LRP1B: variants seen among roughly 807,000 people sequenced by gnomAD.
LRP1B encodes the protein LDL receptor related protein 1B, also known as low-density lipoprotein receptor-related protein 1B.
A neutral mutation model predicts 556.6 loss-of-function variants in LRP1B; 217 were observed. That is an observed-to-expected ratio of 0.39 (90% CI 0.35 to 0.44). The LOEUF (loss-of-function observed/expected upper bound fraction) is 0.44, where lower values mean the gene tolerates loss of function less well. Among genes scored for constraint, LRP1B ranks in the 20% least tolerant of loss-of-function variants. LRP1B has a pLI of 1.00. For synonymous variants in LRP1B, 2,047 were observed against 1,865.8 expected, an observed-to-expected ratio of 1.10 and a Z score of -2.50; for missense variants, 5,053 against 5,620.8, an observed-to-expected ratio of 0.90 and a Z score of 3.23.
intron 2 of LRP1B, among the ~76,000 whole-genome samples, chr2:141,737,227 C>T (rs1329593203): frequency 6.6e-6 from 1 of 152,178 alleles, no homozygotes; most frequent in African/African-American, 2.4e-5. Context: ...TGGCACATGC[C>T]TGTAATCCCA....
intron 3 of LRP1B, among the ~76,000 whole-genome samples, chr2:141,367,564 G>C (rs1331925253): frequency 7.9e-6 from 1 of 126,636 alleles, no homozygotes; most frequent in Non-Finnish European, 1.6e-5. Flanking sequence ...CTCATTGCAA[G>C]CTCCGCCTCC....
chr2:140,858,792 T>A (rs199754038), intron 27 of LRP1B, among the ~76,000 whole-genome samples: 1 of 151,976 alleles, frequency 6.6e-6, no homozygotes, highest in East Asian at 1.9e-4. Context: ...TGTCCATGTG[T>A]TCTCAATGTT....
intron 23 of LRP1B, among the ~76,000 whole-genome samples, chr2:140,893,915 C>G (rs1559179361): frequency 6.6e-6 from 1 of 152,108 alleles, no homozygotes; most frequent in Admixed American, 6.5e-5. Context: ...TCGAAACCCA[C>G]AGTGGATGAT....
At chr2:141,050,164 G>A (rs184161399) in intron 10 of LRP1B, among the ~76,000 whole-genome samples, 26 of 151,570 alleles carry the variant, frequency 1.7e-4, no homozygotes, top group Non-Finnish European at 3.5e-4. Context: ...GATATTCATA[G>A]TAAAGTAAAA....
intron 66 of LRP1B, among the ~76,000 whole-genome samples, chr2:140,422,634 G>T (rs1685492878): frequency 1.3e-5 from 2 of 152,104 alleles, no homozygotes; most frequent in African/African-American, 4.8e-5. Flanking sequence ...TTTATACAAA[G>T]GATAACGTTA....
chr2:140,972,980 A>G (rs1696478526), intron 18 of LRP1B, among the ~76,000 whole-genome samples: 1 of 147,094 alleles, frequency 6.8e-6, no homozygotes, highest in South Asian at 2.1e-4. Context: ...CATATATGTA[A>G]ATACATATAT....
In LRP1B at chr2:141,989,802, T is replaced by C. The variant is rs73963408; in HGVS notation, c.82+140846A>G. Among the ~76,000 whole-genome samples, 576 of 152,206 alleles carry C rather than the reference T, an allele frequency of 3.8e-3. 4 individuals are homozygous for C. The highest frequency in any genetic ancestry group is 0.013 in the African/African-American group (560 of 41,568). Reference sequence around the variant, plus strand: ...AAGTTTCCTGAGGCCTCCCCAGCCATGGGGAAGTGTAAGTCAATTAAAACT... The same window carrying C: ...AAGTTTCCTGAGGCCTCCCCAGCCACGGGGAAGTGTAAGTCAATTAAAACT... On this transcript the variant is annotated intron_variant, in intron 1 of 90. Coordinates refer to ENST00000389484, the MANE Select transcript of LRP1B (RefSeq NM_018557.3).
intron 2 of LRP1B, among the ~76,000 whole-genome samples, chr2:141,713,732 T>A (rs1047801003): frequency 6.6e-6 from 1 of 152,214 alleles, no homozygotes; most frequent in South Asian, 2.1e-4. Context: ...AATTAATATA[T>A]ATTTAAAATG....
intron 1 of LRP1B, among the ~76,000 whole-genome samples, chr2:141,827,214 GA>G (rs1187080582): frequency 6.6e-6 from 1 of 152,224 alleles, no homozygotes; most frequent in Non-Finnish European, 1.5e-5. Flanking sequence ...TTCATAGACA[GA>G]AGTTCTTTTG....
chr2:140,522,528 A>C (rs1170885503), intron 49 of LRP1B, among the ~76,000 whole-genome samples: 1 of 151,844 alleles, frequency 6.6e-6, no homozygotes, highest in Non-Finnish European at 1.5e-5. Context: ...GGAAAGAAAA[A>C]AACTAATCCC....
intron 16 of LRP1B, among the ~76,000 whole-genome samples, chr2:140,993,192 G>C (rs1345735028): frequency 2.0e-5 from 3 of 151,238 alleles, no homozygotes; most frequent in Non-Finnish European, 4.4e-5. Flanking sequence ...TTTATAGAAA[G>C]AAAAAAAATT....
At chr2:141,327,271 T>C (rs1687462370) in intron 3 of LRP1B, among the ~76,000 whole-genome samples, 1 of 152,142 alleles carries the variant, frequency 6.6e-6, no homozygotes, top group Non-Finnish European at 1.5e-5. Flanking sequence ...TTTACATGCA[T>C]GAAGTTGAGC....
chr2:141,225,137 A>G (rs1683193453), intron 6 of LRP1B, among the ~76,000 whole-genome samples: 1 of 152,188 alleles, frequency 6.6e-6, no homozygotes. Context: ...GGGTTAATTC[A>G]GAAGCTAAAT....
At chr2:140,584,944 T>C (rs1322919552) in intron 43 of LRP1B, among the ~76,000 whole-genome samples, 1 of 152,122 alleles carries the variant, frequency 6.6e-6, no homozygotes, top group Admixed American at 6.6e-5. Flanking sequence ...ATTTGTCTTT[T>C]AGTTTATTTA....
chr2:141,930,140 C>A (rs1054690583), intron 1 of LRP1B, among the ~76,000 whole-genome samples: 1 of 151,880 alleles, frequency 6.6e-6, no homozygotes, highest in Admixed American at 6.6e-5. Flanking sequence ...CAAACCACCA[C>A]ATCTTGGATT....
At chr2:140,827,277 C>A (rs1216430312) in intron 31 of LRP1B, among the ~76,000 whole-genome samples, 1 of 151,910 alleles carries the variant, frequency 6.6e-6, no homozygotes, top group African/African-American at 2.4e-5. Context: ...AAACAAAGAG[C>A]CAGTGACTAA....
chr2:140,333,156 T>G (rs1186899221), intron 79 of LRP1B, among the ~76,000 whole-genome samples: 1 of 152,046 alleles, frequency 6.6e-6, no homozygotes, highest in Non-Finnish European at 1.5e-5. Context: ...CTATTCTATT[T>G]TCTTAAAAAA....
At chr2:141,620,902 A>T (rs1688485465) in intron 2 of LRP1B, among the ~76,000 whole-genome samples, 1 of 151,812 alleles carries the variant, frequency 6.6e-6, no homozygotes. Context: ...AGAAACCCAA[A>T]CTGAATTTTC....
intron 1 of LRP1B, among the ~76,000 whole-genome samples, chr2:142,115,553 AT>A (rs796769560): frequency 1.8e-4 from 4 of 22,490 alleles, no homozygotes; most frequent in African/African-American, 1.8e-4. Flanking sequence ...TAATATATAT[AT>A]TATATATGTA....
Sources: allele counts gnomAD v4.1 joint callset (sites outside exome capture counted in the v4.1 genomes callset), GRCh38; gene constraint gnomAD v4.1.1; transcripts MANE v1.5; gene names NCBI Gene and HGNC (gene_info 2026-07-23, HGNC 2026-07-21).